Variants in PRMT8 observed in about 807,000 individuals in gnomAD.
PRMT8 encodes the protein protein arginine N-methyltransferase 8.
In PRMT8, 7 loss-of-function variants were observed where a neutral mutation model predicts 47.1. That is an observed-to-expected ratio of 0.15 (90% CI 0.08 to 0.28). PRMT8 has a LOEUF of 0.28. PRMT8 is among the 10% of genes least tolerant of loss of function. PRMT8 has a pLI of 1.00. For synonymous variants in PRMT8, 188 were observed against 186.5 expected (o/e 1.01, Z -0.07); for missense variants, 237 against 505.4 (o/e 0.47, Z 5.09).
rs1866686656 is a variant in PRMT8, at chr12:3,564,500, ATGTCTCAC to A, written c.482-4204_482-4197del. On this transcript the variant is annotated intron_variant, in intron 4 of 9. Transcript: ENST00000382622. This position sits in a 1 kb window ranked among gnomAD's most constrained non-coding sequence, Gnocchi z 4.0. ...CTCAAAACCATTTTTAAAAATCTGG[ATGTCTCAC>A]TTACAAACTTGAAGCTACAGGAGAA... 6.6e-6 allele frequency among the ~76,000 whole-genome samples: 1 copy of A among 152,236 alleles called. No individual in the cohort carries two copies. The highest frequency in any genetic ancestry group is 2.4e-5 in the African/African-American group (1 of 41,460).
At chr12:3,403,781 G>T (rs1864343829) in intron 1 of PRMT8, among the ~76,000 whole-genome samples, 1 of 150,042 alleles carries the variant, frequency 6.7e-6, no homozygotes, top group Non-Finnish European at 1.5e-5. Context: ...GGAAGCTGAG[G>T]CAGGAGAATC....
rs1361868061 is a variant in PRMT8, at chr12:3,550,255, C to G, written c.417+164C>G. The G allele has an allele frequency of 6.3e-6, 5 of 790,014 alleles. No individual in the cohort carries two copies. The highest frequency in any genetic ancestry group is 9.9e-6 in the Non-Finnish European group (5 of 505,028). The allele number at this position is 790,014 out of a possible 1,614,324, so 48.9% of individuals were successfully genotyped here. On this transcript the variant is annotated intron_variant, in intron 3 of 9. Coordinates refer to ENST00000382622, the MANE Select transcript of PRMT8 (RefSeq NM_019854.5). This position sits in a 1 kb window ranked among gnomAD's most constrained non-coding sequence, Gnocchi z 5.1. ...CAGGTGTGACTCTCAGGAAGGGGAG[C>G]AGGCTGCCTGTCCCCTGTGCATGGC...
At chr12:3,400,828 T>C (rs986815479) in intron 1 of PRMT8, among the ~76,000 whole-genome samples, 2 of 152,150 alleles carry the variant, frequency 1.3e-5, no homozygotes, top group East Asian at 1.9e-4. Context: ...GTTGGTTTCA[T>C]CCCTGGGATG....
intron 1 of PRMT8, among the ~76,000 whole-genome samples, chr12:3,388,883 T>C (rs991705883): frequency 1.2e-4 from 18 of 152,326 alleles, no homozygotes; most frequent in African/African-American, 4.1e-4. Flanking sequence ...GCACTTTTTT[T>C]CCCCAAAGCC....
intron 1 of PRMT8, among the ~76,000 whole-genome samples, chr12:3,452,576 G>T (rs1246444171): frequency 1.3e-5 from 2 of 152,176 alleles, no homozygotes; most frequent in African/African-American, 2.4e-5. Context: ...TCCCTTCCAG[G>T]TCTCTAATCC....
rs116382934 is a variant in PRMT8, at chr12:3,558,930, C to T, written c.481+5216C>T. On this transcript the variant is annotated intron_variant, in intron 4 of 9. Transcript: ENST00000382622. The stretch of plus-strand genomic sequence containing the variant: ...GAGCATGTAAATATTTCATTATTCA[C>T]CAAACTAACATTTATCTGTCTATCT... 2.0e-3 allele frequency among the ~76,000 whole-genome samples: 302 copies of T among 150,734 alleles called. 3 individuals are homozygous for T. The highest frequency in any genetic ancestry group is 7.3e-3 in the African/African-American group (296 of 40,500).
chr12:3,396,922 T>C (rs1864255613), intron 1 of PRMT8, among the ~76,000 whole-genome samples: 1 of 151,934 alleles, frequency 6.6e-6, no homozygotes, highest in African/African-American at 2.4e-5. Context: ...CTTTTTATTC[T>C]TTTTTCTCTA....
chr12:3,528,610 T>C lies in PRMT8; in HGVS notation c.76-11996T>C, dbSNP rs79761390. Among the ~76,000 whole-genome samples the C allele has an allele frequency of 8.6e-3, 1,317 of 152,322 alleles. 16 individuals carry two copies. Among genetic ancestry groups the C allele is most frequent in the Non-Finnish European group, 0.014 (947 of 68,032 alleles). On this transcript the variant is annotated intron_variant, in intron 1 of 9. Transcript: ENST00000382622. ...AGTACTTTAATGTCTTATATACTAATTTCATCATTTGTATCATTTCTCGGT... is the reference window on the plus strand; with the variant it reads ...AGTACTTTAATGTCTTATATACTAACTTCATCATTTGTATCATTTCTCGGT...
intron 1 of PRMT8, among the ~76,000 whole-genome samples, chr12:3,412,671 G>A (rs1258705451): frequency 6.6e-6 from 1 of 151,768 alleles, no homozygotes; most frequent in Admixed American, 6.6e-5. Context: ...AGCTGATATG[G>A]TTTGGCTGTG....
chr12:3,465,383 C>T (rs1865087977), intron 1 of PRMT8, among the ~76,000 whole-genome samples: 1 of 151,432 alleles, frequency 6.6e-6, no homozygotes, highest in Non-Finnish European at 1.5e-5. Flanking sequence ...CATTTTAACA[C>T]TGAAGGCGGG....
intron 1 of PRMT8, among the ~76,000 whole-genome samples, chr12:3,482,142 T>C (rs1439122853): frequency 6.6e-6 from 1 of 152,152 alleles, no homozygotes; most frequent in Admixed American, 6.5e-5. Flanking sequence ...CCAGGACTTG[T>C]TTTATGGGCC....
intron 1 of PRMT8, among the ~76,000 whole-genome samples, chr12:3,512,580 C>T (rs1295713423): frequency 6.6e-6 from 1 of 152,156 alleles, no homozygotes; most frequent in Non-Finnish European, 1.5e-5. Flanking sequence ...ACTCCCCTGC[C>T]CCAATCTCAG....
rs1329065525 is a variant in PRMT8 at position 3,580,206 on chromosome 12, A to G, written c.829-2852A>G. On this transcript the variant is annotated intron_variant, in intron 7 of 9. Coordinates refer to ENST00000382622, the MANE Select transcript of PRMT8 (RefSeq NM_019854.5). The surrounding 1 kb of genome is among the most constrained non-coding windows in gnomAD (Gnocchi z 4.6). ...TTTTGTTCTATCAGAGGCCTCTATT[A>G]AGATGCAAATGTCTCAGGGATCTAT... is the stretch of plus-strand genomic sequence containing the variant. Among the ~76,000 whole-genome samples, 1 of 152,120 alleles carries G rather than the reference A, an allele frequency of 6.6e-6. No individual in the cohort carries two copies. Among genetic ancestry groups the G allele is most frequent in the Non-Finnish European group, 1.5e-5 (1 of 68,024 alleles).
At chr12:3,449,475 C>A (rs184692280) in intron 1 of PRMT8, among the ~76,000 whole-genome samples, 2 of 152,290 alleles carry the variant, frequency 1.3e-5, no homozygotes, top group Non-Finnish European at 2.9e-5. Context: ...ATTTGCATTT[C>A]TCTAATGATT....
At chr12:3,496,214 A>ATATATATATATATATATATATATATTTT in intron 1 of PRMT8, among the ~76,000 whole-genome samples, 1 of 27,768 alleles carries the variant, frequency 3.6e-5, no homozygotes, top group African/African-American at 8.8e-5. Context: ...ATATATATAT[A>ATATATATATATATATATATATATATTTT]TTTTTTTTTT....
chr12:3,579,841 C>T (rs1161192240), intron 7 of PRMT8, among the ~76,000 whole-genome samples: 1 of 152,138 alleles, frequency 6.6e-6, no homozygotes, highest in African/African-American at 2.4e-5. Context: ...TCGCAGCGGC[C>T]AGGGGCACTT....
At chr12:3,399,133 C>T (rs1864293104) in intron 1 of PRMT8, among the ~76,000 whole-genome samples, 1 of 152,220 alleles carries the variant, frequency 6.6e-6, no homozygotes, top group South Asian at 2.1e-4. Context: ...CACCATACTT[C>T]TGTTGCTTCA....
chr12:3,536,864 G>A (rs993247482), intron 1 of PRMT8, among the ~76,000 whole-genome samples: 3 of 152,194 alleles, frequency 2.0e-5, no homozygotes, highest in African/African-American at 7.2e-5. Flanking sequence ...TTTAATGGCC[G>A]CATAGTGTTC....
At chr12:3,408,867 G>A (rs1385523141) in intron 1 of PRMT8, among the ~76,000 whole-genome samples, 9 of 152,230 alleles carry the variant, frequency 5.9e-5, no homozygotes, top group Admixed American at 3.3e-4. Context: ...GAGTGCCTCA[G>A]TAGTCTAGGC....
Sources: gnomAD v4.1 joint callset for allele counts (sites outside exome capture counted in the v4.1 genomes callset) on GRCh38, gnomAD v4.1.1 for gene constraint, Gnocchi (gnomAD v3.1) non-coding constraint, MANE v1.5 for transcripts, NCBI Gene and HGNC (gene_info 2026-07-23, HGNC 2026-07-21) for gene names.